Variants in XPNPEP3 observed in about 807,000 individuals in gnomAD.
XPNPEP3 encodes xaa-Pro aminopeptidase 3.
A neutral mutation model predicts 60.0 loss-of-function variants in XPNPEP3; 41 were observed. That is an observed-to-expected ratio of 0.68 (90% CI 0.53 to 0.89). The LOEUF is 0.89. Among genes scored for constraint, XPNPEP3 ranks in the 40% least tolerant of loss-of-function variants. The probability of loss-of-function intolerance (pLI) is 0.00; values close to 1 mark genes in which losing one functional copy is unlikely to be tolerated. For missense variants in XPNPEP3, 598 were observed against 638.9 expected, an observed-to-expected ratio of 0.94 and a Z score of 0.69; for synonymous variants, 212 against 223.2, an observed-to-expected ratio of 0.95 and a Z score of 0.45.
chr22:40,885,545 C>T (rs940468139), intron 3 of XPNPEP3, among the ~76,000 whole-genome samples: 3 of 152,176 alleles, frequency 2.0e-5, no homozygotes, highest in Non-Finnish European at 2.9e-5. Context: ...ACCCTTTCCT[C>T]TAGTACTGAG....
In XPNPEP3 at chr22:40,902,497, A is replaced by G. The variant is rs774521780; in HGVS notation, c.793-5090A>G. Among the ~76,000 whole-genome samples, 339 of 151,030 alleles carry G rather than the reference A, an allele frequency of 2.2e-3. 1 individual carries two copies. Among genetic ancestry groups the G allele is most frequent in the Non-Finnish European group, 2.8e-3 (189 of 67,756 alleles). On this transcript the variant is annotated intron_variant, in intron 4 of 9. Coordinates refer to ENST00000357137, the MANE Select transcript of XPNPEP3 (RefSeq NM_022098.4). ...GATCTCCTGACCTCGTGATCCGCCC[A>G]CCTCGGCCTCCCAAAGTGCTGGGAT... is the stretch of plus-strand genomic sequence containing the variant.
intron 1 of XPNPEP3, among the ~76,000 whole-genome samples, chr22:40,863,533 G>A (rs1451431609): frequency 6.6e-6 from 1 of 151,788 alleles, no homozygotes; most frequent in Non-Finnish European, 1.5e-5. Context: ...ATATTTTTTT[G>A]CTTTGCATTT....
chr22:40,926,193 A>G, intron 9 of XPNPEP3, 76 bp from the exon 10 acceptor site: 2 of 1,496,068 alleles, frequency 1.3e-6, no homozygotes. Context: ...ATTTTAACCC[A>G]GAGGTTAACT....
intron 1 of XPNPEP3, among the ~76,000 whole-genome samples, chr22:40,865,378 G>A (rs975896096): frequency 6.8e-6 from 1 of 146,688 alleles, no homozygotes; most frequent in African/African-American, 2.5e-5. Context: ...GCCCAGGCTA[G>A]AGTACAGTGG....
At position 40,866,417 on chromosome 22, in the gene XPNPEP3, C is replaced by T. The variant is rs908221425; in HGVS notation, c.65-2582C>T. Among the ~76,000 whole-genome samples, 5 of 151,970 alleles carry T rather than the reference C, an allele frequency of 3.3e-5. No individual in the cohort carries two copies. In the East Asian group the frequency reaches 5.8e-4, roughly 18 times the overall value. Reference sequence around the variant, plus strand: ...TGAGAAGAGTAAGAGAAGTCTCTTGCGTAAGTGATGTTTGAGCTGGTATTT... The same window carrying T: ...TGAGAAGAGTAAGAGAAGTCTCTTGTGTAAGTGATGTTTGAGCTGGTATTT... On this transcript the variant is annotated intron_variant, in intron 1 of 9. Coordinates refer to ENST00000357137, the MANE Select transcript of XPNPEP3 (RefSeq NM_022098.4).
Position 40,926,224 on chromosome 22 carries a change from G to A in XPNPEP3, c.1358-45G>A. The A allele has an allele frequency of 1.9e-6, 3 of 1,612,630 alleles. No individual in the cohort carries two copies. The South Asian group carries it at 3.3e-5, about 18-fold the overall frequency. ...TAACTTACTTGCCCCAAACCACCCAGTTACTATCATTCCTGAACAGCATGT... is the reference window on the plus strand; with the variant it reads ...TAACTTACTTGCCCCAAACCACCCAATTACTATCATTCCTGAACAGCATGT... On this transcript the variant is annotated intron_variant, in intron 9 of 9. Coordinates refer to ENST00000357137, the MANE Select transcript of XPNPEP3 (RefSeq NM_022098.4).
At chr22:40,862,762 G>C in intron 1 of XPNPEP3, 1 of 985,312 alleles carries the variant, frequency 1.0e-6, no homozygotes. Context: ...GGAAAGTTGT[G>C]TGTTTATGTA....
chr22:40,914,225 T>A lies in XPNPEP3; in HGVS notation c.970-14T>A. ...ATGAGCTTATCCACTTTAACCTGTC[T>A]TACTTTGTTCCAGGATGGGGAAATG... is the stretch of plus-strand genomic sequence containing the variant. On this transcript the variant is annotated splice_polypyrimidine_tract_variant and intron_variant, in intron 6 of 9. Coordinates refer to ENST00000357137, the MANE Select transcript of XPNPEP3 (RefSeq NM_022098.4). The A allele has an allele frequency of 1.2e-6, 2 of 1,611,454 alleles. No individual in the cohort carries two copies. The highest frequency in any genetic ancestry group is 1.7e-6 in the Non-Finnish European group (2 of 1,177,638).
chr22:40,907,132 G>A (rs984101630), intron 4 of XPNPEP3: 22 of 456,160 alleles, frequency 4.8e-5, no homozygotes, highest in East Asian at 3.5e-4. Flanking sequence ...TCAGAAATCC[G>A]TATTATTGGC....
At chr22:40,886,925 A>G (rs1399977756) in intron 4 of XPNPEP3, among the ~76,000 whole-genome samples, 1 of 151,978 alleles carries the variant, frequency 6.6e-6, no homozygotes, top group Non-Finnish European at 1.5e-5. Flanking sequence ...CAGTCTCCTC[A>G]CCGCAGAATG....
intron 1 of XPNPEP3, chr22:40,862,637 T>C (rs771010323): frequency 8.1e-6 from 8 of 985,474 alleles, no homozygotes; most frequent in Non-Finnish European, 9.6e-6. Flanking sequence ...TGAAAGCCTC[T>C]TGGAGGAAGT....
At chr22:40,908,593 C>T (rs1009823774) in intron 5 of XPNPEP3, among the ~76,000 whole-genome samples, 3 of 152,174 alleles carry the variant, frequency 2.0e-5, no homozygotes, top group Non-Finnish European at 4.4e-5. Flanking sequence ...TATCCTGGAA[C>T]GTAGTGAAAT....
At chr22:40,896,044 G>A (rs1038511056) in intron 4 of XPNPEP3, among the ~76,000 whole-genome samples, 1 of 152,144 alleles carries the variant, frequency 6.6e-6, no homozygotes, top group Non-Finnish European at 1.5e-5. Flanking sequence ...TAATGTTAGA[G>A]ACTCATTGGA....
chr22:40,888,274 C>T (rs559060429), intron 4 of XPNPEP3, among the ~76,000 whole-genome samples: 2 of 152,232 alleles, frequency 1.3e-5, no homozygotes, highest in East Asian at 1.9e-4. Context: ...GATAGAGTCT[C>T]GCTCTGTTGC....
chr22:40,857,337 C>T, intron 1 of XPNPEP3, 92 bp downstream of exon 1: 1 of 1,380,148 alleles, frequency 7.2e-7, no homozygotes, highest in East Asian at 2.4e-5. Flanking sequence ...TGACCCTTCT[C>T]CTGGTGGGGC....
intron 6 of XPNPEP3, among the ~76,000 whole-genome samples, chr22:40,912,582 A>G (rs1243666381): frequency 1.3e-5 from 2 of 152,140 alleles, no homozygotes; most frequent in Non-Finnish European, 2.9e-5. Context: ...GTAAACATAC[A>G]GGGCCAGGCA....
intron 8 of XPNPEP3, among the ~76,000 whole-genome samples, chr22:40,922,841 A>G (rs2058221960): frequency 6.6e-6 from 1 of 152,190 alleles, no homozygotes; most frequent in South Asian, 2.1e-4. Flanking sequence ...TTTGTGATCT[A>G]TAAAAGGGAT....
At chr22:40,926,234 T>G in intron 9 of XPNPEP3, 35 bp from the exon 10 acceptor site, 1 of 1,613,866 alleles carries the variant, frequency 6.2e-7, no homozygotes, top group Non-Finnish European at 8.5e-7. Flanking sequence ...GTTACTATCA[T>G]TCCTGAACAG....
At chr22:40,885,361 C>T (rs1039619659) in intron 3 of XPNPEP3, among the ~76,000 whole-genome samples, 4 of 152,072 alleles carry the variant, frequency 2.6e-5, no homozygotes, top group Non-Finnish European at 4.4e-5. Flanking sequence ...TATAATGAGC[C>T]TTTATATCGT....
Sources: allele counts gnomAD v4.1 joint callset (sites outside exome capture counted in the v4.1 genomes callset), GRCh38; gene constraint gnomAD v4.1.1; transcripts MANE v1.5; gene names NCBI Gene and HGNC (gene_info 2026-07-23, HGNC 2026-07-21).